The following AFF1 variants were observed in gnomAD, a reference collection of about 807,000 sequenced individuals.
The protein encoded by AFF1 is AF4/FMR2 family member 1.
Under a neutral mutation model 121.7 loss-of-function variants are expected in AFF1, and 48 were observed. That is an observed-to-expected ratio of 0.39 (90% CI 0.31 to 0.50). The LOEUF (loss-of-function observed/expected upper bound fraction) is 0.50. AFF1 is among the 20% of genes least tolerant of loss of function. The pLI, the probability that AFF1 is intolerant of heterozygous loss-of-function variation, is 0.76. For missense variants in AFF1, 1,523 were observed against 1,511.7 expected (o/e 1.01, Z -0.12); for synonymous variants, 613 against 563.0 (o/e 1.09, Z -1.26).
chr4:87,093,112 G>A (rs1724480677), intron 7 of AFF1, among the ~76,000 whole-genome samples: 1 of 152,190 alleles, frequency 6.6e-6, no homozygotes, highest in African/African-American at 2.4e-5. Context: ...TATAGTTGAA[G>A]ATGAACTGAT....
At chr4:87,049,823 G>T in intron 4 of AFF1, 1 of 447,714 alleles carries the variant, frequency 2.2e-6, no homozygotes, top group Non-Finnish European at 4.5e-6. Flanking sequence ...TGACCCCTTT[G>T]AGGGCAAATT....
chr4:86,999,579 C>G (rs1036483888), intron 2 of AFF1, among the ~76,000 whole-genome samples: 2 of 152,134 alleles, frequency 1.3e-5, no homozygotes, highest in African/African-American at 2.4e-5. Context: ...AACAAATAGT[C>G]TTGGAGTTAC....
intron 2 of AFF1, among the ~76,000 whole-genome samples, chr4:86,977,059 C>T (rs1207066137): frequency 6.6e-6 from 1 of 152,196 alleles, no homozygotes; most frequent in African/African-American, 2.4e-5. Flanking sequence ...GTTGGAAATC[C>T]ATGAAGGCCT....
chr4:86,984,261 T>A (rs1159619796), intron 2 of AFF1, among the ~76,000 whole-genome samples: 2 of 152,056 alleles, frequency 1.3e-5, no homozygotes, highest in Non-Finnish European at 2.9e-5. Context: ...TCTATGGTCC[T>A]GCACTATTTT....
intron 2 of AFF1, among the ~76,000 whole-genome samples, chr4:87,027,756 T>C (rs576257176): frequency 1.6e-3 from 241 of 151,236 alleles, no homozygotes; most frequent in African/African-American, 5.5e-3. Flanking sequence ...TTCCAAAATC[T>C]GAAACTTTTT....
At chr4:87,098,589 C>CT (rs1167775843) in intron 8 of AFF1, among the ~76,000 whole-genome samples, 1 of 152,134 alleles carries the variant, frequency 6.6e-6, no homozygotes, top group East Asian at 1.9e-4. Context: ...ATTTTAGAAA[C>CT]TAAAAAAGCA....
chr4:86,971,963 T>C lies in AFF1; in HGVS notation c.38+23392T>C, dbSNP rs143740208. ...ACCAGCCTGGGCAACAAAGTGAGAC[T>C]CCATCTCTACAAAAACTTCAAAAGA... On this transcript the variant is annotated intron_variant, in intron 2 of 20. Coordinates refer to ENST00000395146, the MANE Select transcript of AFF1 (RefSeq NM_001166693.3). Among the ~76,000 whole-genome samples the C allele has an allele frequency of 8.7e-3, 1,314 of 151,872 alleles. 24 individuals carry two copies. The highest frequency in any genetic ancestry group is 0.031 in the African/African-American group (1,265 of 41,428).
chr4:87,108,369 G>A (rs561360401), intron 11 of AFF1, 54 bp downstream of exon 11: 92 of 1,583,098 alleles, frequency 5.8e-5, no homozygotes, highest in Middle Eastern at 2.1e-4. Flanking sequence ...TCTGTCCTTT[G>A]AAGTTAGAGT....
intron 2 of AFF1, among the ~76,000 whole-genome samples, chr4:86,970,749 AGAGACCT>A (rs1205794443): frequency 1.3e-5 from 2 of 152,196 alleles, no homozygotes; most frequent in Non-Finnish European, 2.9e-5. Context: ...ATGTTCGAGC[AGAGACCT>A]GAGGAAGTTT....
chr4:87,099,887 A>T (rs1725250547), intron 8 of AFF1, among the ~76,000 whole-genome samples: 1 of 152,246 alleles, frequency 6.6e-6, no homozygotes, highest in Non-Finnish European at 1.5e-5. Flanking sequence ...AGGGGTCCAG[A>T]AAGGTCTCCC....
chr4:86,985,591 G>A (rs993389013), intron 2 of AFF1, among the ~76,000 whole-genome samples: 14 of 151,326 alleles, frequency 9.3e-5, no homozygotes, highest in Non-Finnish European at 1.8e-4. Context: ...CAGGAGAATC[G>A]CTTGAACCCT....
rs1730824456 is a variant in AFF1 at position 87,047,464 on chromosome 4, C to T, written c.929C>T (p.Ala310Val). 2 of 1,614,136 alleles carry T rather than the reference C, an allele frequency of 1.2e-6. No homozygotes were observed. The highest frequency in any genetic ancestry group is 2.7e-5 in the African/African-American group (2 of 75,016). The part of the protein sequence containing the change: ...YVRPMDGQDQ[A>V]PSESPELKPL... ...CGGCCCATGGATGGTCAAGATCAGG[C>T]CCCTAGTGAATCCCCTGAACTGAAA... The change falls in exon 4 of 21, where the codon GCC becomes GTC. Residue 310 changes from alanine to valine, a missense_variant. By Grantham distance (64) the Ala-to-Val change is moderately conservative. This residue lies in a region of AFF1 where 905 missense variants were observed against 842.5 expected (regional missense o/e 1.07). Transcript: ENST00000395146.
intron 2 of AFF1, among the ~76,000 whole-genome samples, chr4:87,013,066 G>C (rs1244092991): frequency 9.3e-6 from 1 of 107,942 alleles, no homozygotes; most frequent in Non-Finnish European, 1.7e-5. Flanking sequence ...TTTGGGAGAC[G>C]GAGTTTCGCT....
chr4:87,056,592 A>C (rs975450423), intron 4 of AFF1, among the ~76,000 whole-genome samples: 6 of 152,180 alleles, frequency 3.9e-5, no homozygotes, highest in South Asian at 4.1e-4. Context: ...TAATCTGAAC[A>C]TTCTTACAAA....
At chr4:87,126,476 T>C (rs1728261298) in intron 14 of AFF1, 140 bp downstream of exon 14, 1 of 754,298 alleles carries the variant, frequency 1.3e-6, no homozygotes, top group African/African-American at 1.7e-5. Context: ...TTTAAAATGC[T>C]ACTTTTTGGA....
intron 18 of AFF1, 37 bp downstream of exon 18, chr4:87,131,901 G>T (rs1310736655): frequency 6.8e-7 from 1 of 1,474,104 alleles, no homozygotes. Flanking sequence ...TACTAAATTT[G>T]TTTTTGCATC....
intron 2 of AFF1, among the ~76,000 whole-genome samples, chr4:86,987,800 A>G (rs926874850): frequency 3.2e-4 from 49 of 152,108 alleles, no homozygotes; most frequent in African/African-American, 1.2e-3. Flanking sequence ...TAAAAATACA[A>G]AAATTAGCTG....
At chr4:87,043,054 G>A (rs1310207803) in intron 2 of AFF1, among the ~76,000 whole-genome samples, 1 of 152,204 alleles carries the variant, frequency 6.6e-6, no homozygotes, top group Non-Finnish European at 1.5e-5. Context: ...AGGTGTAACT[G>A]TTCACACCCT....
intron 16 of AFF1, among the ~76,000 whole-genome samples, chr4:87,129,968 T>G (rs940125487): frequency 1.3e-5 from 2 of 150,382 alleles, no homozygotes; most frequent in African/African-American, 4.9e-5. Context: ...CTTTCTTTCT[T>G]TTTTTCTTTT....
Sources: gnomAD v4.1 joint callset for allele counts (sites outside exome capture counted in the v4.1 genomes callset) on GRCh38, gnomAD v4.1.1 for gene constraint, gnomAD v4.1.1 regional missense constraint, MANE v1.5 for transcripts, NCBI Gene and HGNC (gene_info 2026-07-23, HGNC 2026-07-21) for gene names.